The following PARD3B variants were observed in gnomAD, a reference collection of about 807,000 sequenced individuals.
PARD3B encodes the protein par-3 family cell polarity regulator beta.
Under a neutral mutation model 130.2 loss-of-function variants are expected in PARD3B, and 103 were observed. That is an observed-to-expected ratio of 0.79 (90% CI 0.67 to 0.93). The LOEUF is 0.93. Among genes scored for constraint, PARD3B ranks in the 40% least tolerant of loss-of-function variants. The pLI is 0.00. For synonymous variants in PARD3B, 583 were observed against 553.2 expected (o/e 1.05, Z -0.76); for missense variants, 1,609 against 1,499.2 (o/e 1.07, Z -1.21).
intron 2 of PARD3B, among the ~76,000 whole-genome samples, chr2:204,800,005 A>G (rs1009090068): frequency 2.6e-5 from 4 of 152,174 alleles, no homozygotes; most frequent in Admixed American, 2.6e-4. Flanking sequence ...AAGGCCATCT[A>G]CAAAAACGTG....
intron 11 of PARD3B, among the ~76,000 whole-genome samples, chr2:205,159,806 T>C (rs986773006): frequency 3.3e-4 from 50 of 152,206 alleles, no homozygotes; most frequent in African/African-American, 1.2e-3. Context: ...TGCTCAGCCT[T>C]GACATGCCTC....
chr2:204,703,759 C>G (rs2038004690), intron 2 of PARD3B, among the ~76,000 whole-genome samples: 1 of 152,062 alleles, frequency 6.6e-6, no homozygotes, highest in South Asian at 2.1e-4. Context: ...GCTTCATGTC[C>G]CACCACACAC....
chr2:204,818,034 A>T (rs2043207329), intron 2 of PARD3B, among the ~76,000 whole-genome samples: 4 of 152,174 alleles, frequency 2.6e-5, no homozygotes, highest in African/African-American at 7.2e-5. Flanking sequence ...GCATACGCCC[A>T]AACTGTCCCT....
At chr2:204,794,894 C>G (rs1409261029) in intron 2 of PARD3B, among the ~76,000 whole-genome samples, 1 of 152,122 alleles carries the variant, frequency 6.6e-6, no homozygotes, top group South Asian at 2.1e-4. Flanking sequence ...GCTGTTTCCT[C>G]TCTCTAGATA....
At chr2:205,251,803 A>G (rs1313914878) in intron 16 of PARD3B, among the ~76,000 whole-genome samples, 2 of 152,180 alleles carry the variant, frequency 1.3e-5, no homozygotes, top group African/African-American at 4.8e-5. Flanking sequence ...TTCTTTCCTC[A>G]TCGACTCATT....
chr2:205,617,690 T>A lies in PARD3B; in HGVS notation c.*1877T>A, dbSNP rs957518124. 7.9e-5 allele frequency: 12 copies of A among 152,190 alleles called. No individual in the cohort carries two copies. The highest frequency in any genetic ancestry group is 2.9e-4 in the African/African-American group (12 of 41,454). 9.4% of individuals were successfully genotyped at this position (152,190 alleles called of 1,614,324 possible). A position where few individuals can be genotyped will look rare whatever the true frequency, so the allele number is the denominator to read the frequency against. ...GTGTTTGCAATTTGTTCGAAGTGGTTGAGGATCTCAGGCCCTGCTCACGTG... is the reference window on the plus strand; with the variant it reads ...GTGTTTGCAATTTGTTCGAAGTGGTAGAGGATCTCAGGCCCTGCTCACGTG... On this transcript the variant is annotated 3_prime_UTR_variant, in exon 23 of 23. Transcript: ENST00000406610.
chr2:205,135,347 T>A (rs1443206827), intron 10 of PARD3B, among the ~76,000 whole-genome samples: 1 of 152,196 alleles, frequency 6.6e-6, no homozygotes, highest in East Asian at 1.9e-4. Flanking sequence ...AGGAAATGTG[T>A]TCATTTTGTA....
At chr2:204,931,937 A>G (rs1184269651) in intron 2 of PARD3B, among the ~76,000 whole-genome samples, 1 of 152,074 alleles carries the variant, frequency 6.6e-6, no homozygotes. Context: ...ACCTTTGATT[A>G]TGAGCAGTAT....
intron 4 of PARD3B, among the ~76,000 whole-genome samples, chr2:205,096,651 A>G (rs996696939): frequency 1.3e-5 from 2 of 152,122 alleles, no homozygotes; most frequent in Admixed American, 6.6e-5. Flanking sequence ...ATTTATCCAC[A>G]TGGCTTAGTG....
chr2:204,813,218 T>G (rs2043026013), intron 2 of PARD3B, among the ~76,000 whole-genome samples: 1 of 152,172 alleles, frequency 6.6e-6, no homozygotes. Context: ...TTTAGTATAG[T>G]TAATCTTTTT....
At chr2:204,611,108 C>T (rs563704151) in intron 1 of PARD3B, among the ~76,000 whole-genome samples, 2 of 152,042 alleles carry the variant, frequency 1.3e-5, no homozygotes, top group Non-Finnish European at 2.9e-5. Context: ...AAATACAAAA[C>T]AAAATTCTTA....
chr2:205,496,022 A>C (rs1207765279), intron 20 of PARD3B, among the ~76,000 whole-genome samples: 1 of 152,192 alleles, frequency 6.6e-6, no homozygotes, highest in Non-Finnish European at 1.5e-5. Context: ...GCATTGAGAA[A>C]GAATGCTCTA....
chr2:204,988,656 T>G (rs1693387258), intron 3 of PARD3B, among the ~76,000 whole-genome samples: 1 of 152,134 alleles, frequency 6.6e-6, no homozygotes, highest in South Asian at 2.1e-4. Context: ...ATAAATGAAT[T>G]TGTGACCTAA....
In PARD3B at chr2:205,160,496, C is replaced by G. The variant is rs1320193512; in HGVS notation, c.1620+1589C>G. On this transcript the variant is annotated intron_variant, in intron 11 of 22. Coordinates refer to ENST00000406610, the MANE Select transcript of PARD3B (RefSeq NM_001302769.2). The surrounding 1 kb of genome is among the most constrained non-coding windows in gnomAD (Gnocchi z 4.0). The stretch of plus-strand genomic sequence containing the variant: ...ACATAGGCCACTGGTCAAAGCAAGT[C>G]ATATGGCTGAGTCCAAGGTTGAGCA... Among the ~76,000 whole-genome samples the G allele has an allele frequency of 6.6e-6, 1 of 152,194 alleles. No individual in the cohort carries two copies. Among genetic ancestry groups the G allele is most frequent in the African/African-American group, 2.4e-5 (1 of 41,422 alleles).
chr2:204,783,877 C>T (rs187091670), intron 2 of PARD3B, among the ~76,000 whole-genome samples: 1 of 152,122 alleles, frequency 6.6e-6, no homozygotes, highest in East Asian at 1.9e-4. Context: ...GTATCATCTT[C>T]GATGAGATTT....
intron 4 of PARD3B, among the ~76,000 whole-genome samples, chr2:205,057,569 G>GTGTATGTGTATGTGTATATATACA (rs1699771935): frequency 7.7e-6 from 1 of 130,124 alleles, no homozygotes; most frequent in Non-Finnish European, 1.7e-5. Flanking sequence ...ATACATATAT[G>GTGTATGTGTATGTGTATATATACA]TATATGTGTA....
In PARD3B at chr2:205,354,286, G is replaced by A. The variant is rs1323086860; in HGVS notation, c.2631-46727G>A. ...CTCTCACCGCCACTGCCCCCGTTCA[G>A]TTACCGGTCAGGGAACCAAGAAATG... On this transcript the variant is annotated intron_variant, in intron 18 of 22. Transcript: ENST00000406610. 5.3e-5 allele frequency among the ~76,000 whole-genome samples: 8 copies of A among 151,684 alleles called. No homozygotes were observed. In the East Asian group the frequency reaches 1.2e-3, roughly 22 times the overall value.
rs114213470 is a variant in PARD3B, at chr2:205,216,267, A to C, written c.2140+22947A>C. ...GCCTAGGTGTGTAGCAGGCTAAACC[A>C]TCGAGGTTTGTGGAAGTACGTGTTA... On this transcript the variant is annotated intron_variant, in intron 15 of 22. Transcript: ENST00000406610. 7.5e-3 allele frequency among the ~76,000 whole-genome samples: 1,137 copies of C among 152,266 alleles called. 15 individuals are homozygous for C. The highest frequency in any genetic ancestry group is 0.026 in the African/African-American group (1,067 of 41,560).
intron 4 of PARD3B, among the ~76,000 whole-genome samples, chr2:205,065,778 C>T (rs1700334222): frequency 6.6e-6 from 1 of 151,268 alleles, no homozygotes; most frequent in African/African-American, 2.4e-5. Flanking sequence ...TTTAACCTTC[C>T]CTGCCATGTT....
Sources: allele counts gnomAD v4.1 joint callset (sites outside exome capture counted in the v4.1 genomes callset), GRCh38; gene constraint gnomAD v4.1.1; non-coding constraint Gnocchi (gnomAD v3.1); transcripts MANE v1.5; gene names NCBI Gene and HGNC (gene_info 2026-07-23, HGNC 2026-07-21).